The following HIVEP3 variants were observed in gnomAD, a reference collection of about 807,000 sequenced individuals.
The protein encoded by HIVEP3 is transcription factor HIVEP3.
Under a neutral mutation model 152.8 loss-of-function variants are expected in HIVEP3, and 49 were observed. That is an observed-to-expected ratio of 0.32 (90% confidence interval 0.26 to 0.41). HIVEP3 has a LOEUF of 0.41. Among genes scored for constraint, HIVEP3 ranks in the 10% least tolerant of loss-of-function variants. The pLI is 1.00. For synonymous variants in HIVEP3, 1,269 were observed against 1,289.0 expected, an observed-to-expected ratio of 0.98 and a Z score of 0.33; for missense variants, 2,790 against 3,103.3, an observed-to-expected ratio of 0.90 and a Z score of 2.40.
chr1:41,742,805 C>T (rs1558230219), intron 1 of HIVEP3, among the ~76,000 whole-genome samples: 1 of 152,204 alleles, frequency 6.6e-6, no homozygotes, highest in Admixed American at 6.5e-5. Flanking sequence ...ACTCCCCTCA[C>T]TGTCTAGAAT....
chr1:41,786,524 T>A (rs1649357641), intron 1 of HIVEP3, among the ~76,000 whole-genome samples: 1 of 152,228 alleles, frequency 6.6e-6, no homozygotes. Flanking sequence ...GCTGCCTGTT[T>A]CTGTAAATAA....
At chr1:41,756,517 G>A (rs1647315206) in intron 1 of HIVEP3, among the ~76,000 whole-genome samples, 1 of 152,086 alleles carries the variant, frequency 6.6e-6, no homozygotes, top group Admixed American at 6.5e-5. Flanking sequence ...GCACCAAAGA[G>A]CCCTAGATCC....
intron 1 of HIVEP3, among the ~76,000 whole-genome samples, chr1:41,727,084 TGCAGGCACA>T (rs1646763742): frequency 6.6e-6 from 1 of 152,324 alleles, no homozygotes; most frequent in African/African-American, 2.4e-5. Flanking sequence ...GGGAGAAGAC[TGCAGGCACA>T]GAAGACTGAA....
chr1:41,660,477 G>A (rs1252713926), intron 2 of HIVEP3, among the ~76,000 whole-genome samples: 1 of 152,152 alleles, frequency 6.6e-6, no homozygotes, highest in Admixed American at 6.5e-5. Context: ...GTCATGTTGC[G>A]GTCCGTGCTT....
At chr1:41,656,457 G>A (rs1274034688) in intron 2 of HIVEP3, among the ~76,000 whole-genome samples, 2 of 152,180 alleles carry the variant, frequency 1.3e-5, no homozygotes, top group Non-Finnish European at 2.9e-5. Context: ...ATTCCTTTGT[G>A]GGCTGGAACC....
intron 1 of HIVEP3, among the ~76,000 whole-genome samples, chr1:41,785,951 C>G (rs1649324340): frequency 6.6e-6 from 1 of 152,150 alleles, no homozygotes. Context: ...CGAGCCAAGA[C>G]CGTGCCATTG....
At chr1:41,526,323 TCA>T (rs1296857342) in intron 5 of HIVEP3, among the ~76,000 whole-genome samples, 2 of 91,028 alleles carry the variant, frequency 2.2e-5, no homozygotes, top group Non-Finnish European at 4.4e-5. Flanking sequence ...ACGCTCACCC[TCA>T]TACTAAAACA....
At chr1:41,552,448 ATGAG>A (rs2149082147) in intron 5 of HIVEP3, among the ~76,000 whole-genome samples, 1 of 145,154 alleles carries the variant, frequency 6.9e-6, no homozygotes, top group Non-Finnish European at 1.5e-5. Context: ...ATTCCCACCT[ATGAG>A]TGAGAATATG....
chr1:41,893,353 C>T (rs76193152), intron 1 of HIVEP3, among the ~76,000 whole-genome samples: 6,520 of 152,244 alleles, frequency 0.043, 199 homozygotes, highest in South Asian at 0.088. Context: ...GGATATTAAT[C>T]CCTCTCTCTG....
At chr1:41,830,683 G>A (rs995848819) in intron 1 of HIVEP3, among the ~76,000 whole-genome samples, 4 of 152,202 alleles carry the variant, frequency 2.6e-5, no homozygotes, top group African/African-American at 9.7e-5. Context: ...CCAGAACTCT[G>A]TAGCATGGAC....
intron 1 of HIVEP3, among the ~76,000 whole-genome samples, chr1:41,959,024 C>T (rs1047286536): frequency 7.2e-5 from 11 of 152,280 alleles, no homozygotes; most frequent in East Asian, 1.9e-4. Context: ...AGACTTCAGC[C>T]GGCCTCTGTC....
intron 1 of HIVEP3, among the ~76,000 whole-genome samples, chr1:41,843,655 TTAAAAG>T (rs1200576432): frequency 1.3e-5 from 2 of 152,172 alleles, no homozygotes; most frequent in Non-Finnish European, 2.9e-5. Context: ...GACTCACCCT[TTAAAAG>T]TAAAAGAGAA....
In HIVEP3 at chr1:41,506,596, T is replaced by G. The variant is rs1569624203; in HGVS notation, c.*3855A>C. 1 of 62,122 alleles carries G rather than the reference T, an allele frequency of 1.6e-5. No individual in the cohort carries two copies. Among genetic ancestry groups the G allele is most frequent in the African/African-American group, 4.0e-5 (1 of 25,080 alleles). The allele number at this position is 62,122 out of a possible 1,614,324, so 3.8% of individuals were successfully genotyped here. On this transcript the variant is annotated 3_prime_UTR_variant, in exon 9 of 9. Coordinates refer to ENST00000372583, the MANE Select transcript of HIVEP3 (RefSeq NM_024503.5). ...TTAGACCTGCGTGGATTTTTGTTTT[T>G]TTTTTTTGTTTGTTTCTGTTTTGTT...
chr1:41,985,527 C>T (rs1245044768), intron 1 of HIVEP3, among the ~76,000 whole-genome samples: 8 of 152,194 alleles, frequency 5.3e-5, no homozygotes, highest in African/African-American at 2.4e-5. Context: ...TTATAGGTGT[C>T]TCTTCTTATA....
chr1:41,610,761 G>A (rs754195363), intron 3 of HIVEP3, among the ~76,000 whole-genome samples: 8 of 152,122 alleles, frequency 5.3e-5, no homozygotes, highest in Admixed American at 1.3e-4. Flanking sequence ...TGAGGCATTC[G>A]CACTCTAGGT....
chr1:41,589,826 C>G (rs965824447), intron 3 of HIVEP3, among the ~76,000 whole-genome samples: 1 of 152,148 alleles, frequency 6.6e-6, no homozygotes, highest in Non-Finnish European at 1.5e-5. Context: ...ACACACACAC[C>G]CCCACATATC....
chr1:41,634,320 G>C (rs1645239086), intron 2 of HIVEP3, among the ~76,000 whole-genome samples: 1 of 152,148 alleles, frequency 6.6e-6, no homozygotes, highest in Non-Finnish European at 1.5e-5. Context: ...TTTAATTCTT[G>C]ACATCAATAG....
At chr1:41,753,670 A>AAAATAAATAAAT (rs3064234) in intron 1 of HIVEP3, among the ~76,000 whole-genome samples, 30,685 of 140,754 alleles carry the variant, frequency 0.22, 3,857 homozygotes, top group Non-Finnish European at 0.29. Context: ...CGCCGTCTCA[A>AAAATAAATAAAT]AAATAAATAA....
intron 2 of HIVEP3, among the ~76,000 whole-genome samples, chr1:41,631,484 G>C (rs1645194117): frequency 6.6e-6 from 1 of 152,186 alleles, no homozygotes; most frequent in African/African-American, 2.4e-5. Flanking sequence ...CTGGGGCACT[G>C]TTACCTTTCT....
Sources: gnomAD v4.1 joint callset for allele counts (sites outside exome capture counted in the v4.1 genomes callset) on GRCh38, gnomAD v4.1.1 for gene constraint, MANE v1.5 for transcripts, NCBI Gene and HGNC (gene_info 2026-07-23, HGNC 2026-07-21) for gene names.